Variants in GATA4 observed in about 807,000 individuals in gnomAD.
GATA4 encodes transcription factor GATA-4.
A neutral mutation model predicts 37.9 loss-of-function variants in GATA4; 7 were observed. The ratio of observed to expected loss-of-function variants is 0.18; its 90% CI spans 0.11 to 0.35. The LOEUF (loss-of-function observed/expected upper bound fraction) is 0.35, where lower values mean the gene tolerates loss of function less well. Among genes scored for constraint, GATA4 ranks in the 10% least tolerant of loss-of-function variants. GATA4 has a pLI of 1.00. For missense variants in GATA4, 647 were observed against 653.0 expected (o/e 0.99, Z 0.10); for synonymous variants, 372 against 292.6 (o/e 1.27, Z -2.77).
At position 11,750,176 on chromosome 8, in the gene GATA4, C is replaced by T. The variant is rs752769340; in HGVS notation, c.852C>T (p.Arg284=). 1.2e-6 allele frequency: 2 copies of T among 1,613,728 alleles called. No individual in the cohort carries two copies. The highest frequency in any genetic ancestry group is 1.7e-5 in the Admixed American group (1 of 60,014). ...NCQTTTTTLW[R]RNAEGEPVCN... ...AGACCACCACCACCACGCTGTGGCG[C>T]CGCAATGCGGAGGGCGAGCCTGTGT... is the stretch of plus-strand genomic sequence containing the variant. Residue 284 remains arginine, a synonymous_variant, in exon 4 of 7, where the codon CGC becomes CGT. Coordinates refer to ENST00000532059, the MANE Select transcript of GATA4 (RefSeq NM_001308093.3).
At chr8:11,711,308 A>G (rs1563202227) in intron 2 of GATA4, among the ~76,000 whole-genome samples, 1 of 152,178 alleles carries the variant, frequency 6.6e-6, no homozygotes, top group African/African-American at 2.4e-5. Flanking sequence ...TAGCTTATGA[A>G]GTCCACAGCC....
At chr8:11,698,357 C>A (rs1023257241) in intron 1 of GATA4, among the ~76,000 whole-genome samples, 8 of 152,184 alleles carry the variant, frequency 5.3e-5, no homozygotes, top group African/African-American at 1.9e-4. Flanking sequence ...GTACTCATGC[C>A]TGTAGTATTC....
At chr8:11,683,216 C>T (rs1446623054) in intron 1 of GATA4, 3 of 812,114 alleles carry the variant, frequency 3.7e-6, no homozygotes, top group South Asian at 1.1e-4. Context: ...CAGCATTTAT[C>T]CGGAGCGGGG....
At chr8:11,747,220 A>G (rs1181252343) in intron 2 of GATA4, among the ~76,000 whole-genome samples, 5 of 152,226 alleles carry the variant, frequency 3.3e-5, no homozygotes, top group African/African-American at 9.6e-5. Flanking sequence ...TTAGGATAAC[A>G]TGAAGTCAGA....
intron 2 of GATA4, among the ~76,000 whole-genome samples, chr8:11,747,373 G>A: frequency 6.6e-6 from 1 of 152,216 alleles, no homozygotes; most frequent in East Asian, 1.9e-4. Context: ...GATGATAAAG[G>A]TGATGGCGGG....
In GATA4 at chr8:11,684,883, A is replaced by T. The variant is rs575973316; in HGVS notation, c.-274+7820A>T. On this transcript the variant is annotated intron_variant, in intron 1 of 6. Coordinates refer to the GATA4 transcript ENST00000528712. ...AATATGTTTTTTATTTAGCTTAGCC[A>T]AAATTGACTGCTGCTGGTGGTTGTG... Among the ~76,000 whole-genome samples, 63 of 152,358 alleles carry T rather than the reference A, an allele frequency of 4.1e-4. 2 individuals carry two copies. The highest frequency in any genetic ancestry group is 1.4e-3 in the African/African-American group (59 of 41,580).
At chr8:11,747,408 G>T (rs1020132977) in intron 2 of GATA4, among the ~76,000 whole-genome samples, 2 of 152,192 alleles carry the variant, frequency 1.3e-5, no homozygotes, top group African/African-American at 4.8e-5. Context: ...TGAAGGGAGC[G>T]GCAGACCCCG....
At chr8:11,677,908 C>A (rs770669607) in intron 1 of GATA4, among the ~76,000 whole-genome samples, 3 of 152,014 alleles carry the variant, frequency 2.0e-5, no homozygotes, top group Non-Finnish European at 4.4e-5. Context: ...TTTGGTTGCA[C>A]ACGCTTTTGC....
intron 1 of GATA4, among the ~76,000 whole-genome samples, chr8:11,685,708 T>A (rs187445547): frequency 6.6e-6 from 1 of 152,352 alleles, no homozygotes; most frequent in Admixed American, 6.5e-5. Flanking sequence ...GAATTTCACT[T>A]GCAACCTTGA....
intron 2 of GATA4, among the ~76,000 whole-genome samples, chr8:11,746,307 C>A (rs998977127): frequency 2.6e-5 from 4 of 152,136 alleles, no homozygotes; most frequent in Admixed American, 1.3e-4. Context: ...GAGTTGGTGG[C>A]TGCAGTGAGC....
At chr8:11,724,842 G>C (rs1410089691) in intron 2 of GATA4, among the ~76,000 whole-genome samples, 1 of 152,218 alleles carries the variant, frequency 6.6e-6, no homozygotes, top group Non-Finnish European at 1.5e-5. Context: ...AGGACATGGA[G>C]GGAAGGAAAG....
intron 2 of GATA4, among the ~76,000 whole-genome samples, chr8:11,735,420 G>A (rs1034801463): frequency 6.6e-6 from 1 of 152,186 alleles, no homozygotes; most frequent in Admixed American, 6.5e-5. Flanking sequence ...GTGTTTTTAT[G>A]TAATTTTAAA....
intron 1 of GATA4, among the ~76,000 whole-genome samples, chr8:11,704,706 G>T (rs577463949): frequency 6.6e-6 from 1 of 152,234 alleles, no homozygotes; most frequent in African/African-American, 2.4e-5. Flanking sequence ...CGCACATGGA[G>T]GGAAGTAGAC....
At chr8:11,719,264 T>G (rs1041594754) in intron 2 of GATA4, among the ~76,000 whole-genome samples, 6 of 150,812 alleles carry the variant, frequency 4.0e-5, no homozygotes, top group Non-Finnish European at 7.4e-5. Flanking sequence ...AGATCATAAA[T>G]CAAACCAGGT....
At chr8:11,727,177 C>T (rs1210020789) in intron 2 of GATA4, among the ~76,000 whole-genome samples, 2 of 152,184 alleles carry the variant, frequency 1.3e-5, no homozygotes, top group Non-Finnish European at 2.9e-5. Flanking sequence ...TGACTCACTG[C>T]CTGAAAACCT....
At chr8:11,693,217 G>A (rs1046232281) in intron 1 of GATA4, among the ~76,000 whole-genome samples, 6 of 152,230 alleles carry the variant, frequency 3.9e-5, no homozygotes, top group Non-Finnish European at 8.8e-5. Context: ...TGTAATCCCA[G>A]CACTTAGTGA....
At chr8:11,745,692 G>A (rs540154067) in intron 2 of GATA4, among the ~76,000 whole-genome samples, 3 of 152,226 alleles carry the variant, frequency 2.0e-5, no homozygotes, top group South Asian at 2.1e-4. Context: ...TCTCCCCTCC[G>A]AACAAGAGGA....
rs541616322 is a variant in GATA4, at chr8:11,710,983, T to C, written c.616+2055T>C. Among the ~76,000 whole-genome samples the C allele has an allele frequency of 1.1e-3, 165 of 151,742 alleles. 2 individuals carry two copies. The South Asian group carries it at 0.015, about 14-fold the overall frequency. ...AAAATTAGCTGGGTTTGGTGGTGTG[T>C]GCTTATAGTCCCAGTTACTTGGGAG... On this transcript the variant is annotated intron_variant, in intron 2 of 6. Transcript: ENST00000532059.
intron 3 of GATA4, 34 bp from the exon 4 acceptor site, chr8:11,750,077 C>T (rs752200488): frequency 5.0e-6 from 8 of 1,613,780 alleles, no homozygotes; most frequent in African/African-American, 1.3e-5. Flanking sequence ...ACACCTTTTA[C>T]TTGGACATGA....
Sources: allele counts gnomAD v4.1 joint callset (sites outside exome capture counted in the v4.1 genomes callset), GRCh38; gene constraint gnomAD v4.1.1; transcripts MANE v1.5; gene names NCBI Gene and HGNC (gene_info 2026-07-23, HGNC 2026-07-21).